MYT1L: variants seen among roughly 807,000 people sequenced by gnomAD.
MYT1L encodes myelin transcription factor 1 like.
In MYT1L, 12 loss-of-function variants were observed where a neutral mutation model predicts 126.7. The observed-to-expected ratio is 0.09, with a 90% CI of 0.06 to 0.15. The LOEUF is 0.15. Ranked by LOEUF, MYT1L falls within the 10% of genes least tolerant of loss-of-function variation. The pLI, the probability that MYT1L is intolerant of heterozygous loss-of-function variation, is 1.00. For missense variants in MYT1L, 979 were observed against 1,585.2 expected, an observed-to-expected ratio of 0.62 and a Z score of 6.49; for synonymous variants, 541 against 604.2, an observed-to-expected ratio of 0.90 and a Z score of 1.53.
chr2:2,015,961 C>G (rs2064342532), intron 4 of MYT1L, among the ~76,000 whole-genome samples: 1 of 152,152 alleles, frequency 6.6e-6, no homozygotes, highest in Non-Finnish European at 1.5e-5. Context: ...TACAGCAGAA[C>G]AAAGGAAAGC....
intron 3 of MYT1L, among the ~76,000 whole-genome samples, chr2:2,057,009 A>C (rs534240303): frequency 6.6e-6 from 1 of 151,994 alleles, no homozygotes; most frequent in Non-Finnish European, 1.5e-5. Flanking sequence ...GATCCCATGC[A>C]CCCGTCTCAG....
At chr2:1,815,232 G>A (rs942754203) in intron 21 of MYT1L, among the ~76,000 whole-genome samples, 1 of 152,192 alleles carries the variant, frequency 6.6e-6, no homozygotes, top group Admixed American at 6.5e-5. Flanking sequence ...CCGAGGTGAG[G>A]CCCCTCTGCG....
intron 18 of MYT1L, chr2:1,886,304 T>G (rs775184776): frequency 2.6e-6 from 1 of 378,232 alleles, no homozygotes; most frequent in Non-Finnish European, 4.7e-6. Context: ...ATATCCCAGA[T>G]AGGAAGGATA....
intron 3 of MYT1L, among the ~76,000 whole-genome samples, chr2:2,103,818 A>G (rs2078411673): frequency 6.6e-6 from 1 of 152,212 alleles, no homozygotes; most frequent in African/African-American, 2.4e-5. Context: ...GTCATGTCAG[A>G]TTTGGGTGAC....
chr2:1,879,118 C>A (rs993818810), intron 18 of MYT1L, among the ~76,000 whole-genome samples: 5 of 152,158 alleles, frequency 3.3e-5, no homozygotes, highest in African/African-American at 1.2e-4. Flanking sequence ...GCTTCCCCGG[C>A]CCCTGTGCAC....
At position 1,887,488 on chromosome 2, in the gene MYT1L, G is replaced by A. The variant is rs2048307155; in HGVS notation, c.2642C>T (p.Thr881Ile). ...TAATTTCACCTCACAGCATGCTTAC[G>A]TTATTAAGTCCTTTTTGCTCTCCTT... is the stretch of plus-strand genomic sequence containing the variant. ...QCKESKKDLI[T>I]LSGCPLADKS... The change falls in exon 17 of 25, where the codon ACT (threonine) becomes ATT (isoleucine). Residue 881 changes from threonine to isoleucine, a missense_variant and splice_region_variant. Around this residue, in one of 12 missense-constraint regions of MYT1L, gnomAD observed 141 missense variants for 170.6 expected, o/e 0.83. Transcript: ENST00000647738. The surrounding 1 kb of genome is among the most constrained non-coding windows in gnomAD (Gnocchi z 4.8). 2 of 1,614,014 alleles carry A rather than the reference G, an allele frequency of 1.2e-6. No individual in the cohort carries two copies. Among genetic ancestry groups the A allele is most frequent in the Non-Finnish European group, 1.7e-6 (2 of 1,179,886 alleles).
At chr2:2,149,552 T>C (rs2085413132) in intron 3 of MYT1L, among the ~76,000 whole-genome samples, 1 of 152,198 alleles carries the variant, frequency 6.6e-6, no homozygotes, top group East Asian at 1.9e-4. Context: ...CAAGTTTCTG[T>C]TCCCTTACTC....
At chr2:1,893,167 G>C (rs967120162) in intron 14 of MYT1L, among the ~76,000 whole-genome samples, 2 of 152,166 alleles carry the variant, frequency 1.3e-5, no homozygotes, top group African/African-American at 2.4e-5. Context: ...TGAGGGGCAA[G>C]GGTTATTTGT....
rs1053651301 is a variant in MYT1L at position 1,887,990 on chromosome 2, G to A, written c.2521-381C>T. On this transcript the variant is annotated intron_variant, in intron 16 of 24. Transcript: ENST00000647738. This position sits in a 1 kb window ranked among gnomAD's most constrained non-coding sequence, Gnocchi z 4.8. ...CACTTGCCTGCAAAGATTCAACACT[G>A]GAACTACAGTGTCTTAGGGCTGAGC... Among the ~76,000 whole-genome samples the A allele has an allele frequency of 5.3e-5, 8 of 152,150 alleles. No homozygotes were observed. The highest frequency in any genetic ancestry group is 8.8e-5 in the Non-Finnish European group (6 of 68,034).
rs546813001 is a variant in MYT1L at position 2,000,550 on chromosome 2, G to A, written c.-157-3203C>T. Among the ~76,000 whole-genome samples the A allele has an allele frequency of 2.0e-5, 3 of 152,290 alleles. No homozygotes were observed. In the South Asian group the frequency reaches 6.2e-4, roughly 32 times the overall value. Reference sequence around the variant, plus strand: ...GGTCCTGTCTCAGAGGGACCACAGGGTGGGTGTGGTGTGTAGGGGCTATGC... The same window carrying A: ...GGTCCTGTCTCAGAGGGACCACAGGATGGGTGTGGTGTGTAGGGGCTATGC... On this transcript the variant is annotated intron_variant, in intron 4 of 24. Coordinates refer to ENST00000647738, the MANE Select transcript of MYT1L (RefSeq NM_001303052.2).
chr2:2,014,800 G>T (rs139281038), intron 4 of MYT1L, among the ~76,000 whole-genome samples: 1 of 152,262 alleles, frequency 6.6e-6, no homozygotes, highest in Non-Finnish European at 1.5e-5. Context: ...GGAGCAGGCA[G>T]GTTTCCGGGG....
At chr2:2,170,405 GC>G (rs1332305230) in intron 3 of MYT1L, among the ~76,000 whole-genome samples, 5 of 152,220 alleles carry the variant, frequency 3.3e-5, no homozygotes, top group African/African-American at 1.2e-4. Flanking sequence ...AGGTGGCCAT[GC>G]CATTTGCTCG....
intron 9 of MYT1L, among the ~76,000 whole-genome samples, chr2:1,928,495 C>T (rs1252112815): frequency 6.6e-6 from 1 of 152,166 alleles, no homozygotes. Context: ...CACAGTGTTG[C>T]CTCCACTTCC....
rs192068765 is a variant in MYT1L at position 1,833,862 on chromosome 2, C to A, written c.3080+5287G>T. Among the ~76,000 whole-genome samples, 157 of 152,372 alleles carry A rather than the reference C, an allele frequency of 1.0e-3. 1 individual carries two copies. Among genetic ancestry groups the A allele is most frequent in the African/African-American group, 3.6e-3 (149 of 41,588 alleles). The stretch of plus-strand genomic sequence containing the variant: ...CGGGGAAAGGAGCCCTCCTGCCTAA[C>A]CCTCAACGCAGAAAGAGCAGCGGCT... On this transcript the variant is annotated intron_variant, in intron 21 of 24. Coordinates refer to ENST00000647738, the MANE Select transcript of MYT1L (RefSeq NM_001303052.2).
chr2:2,081,690 T>C (rs2075841463), intron 3 of MYT1L, among the ~76,000 whole-genome samples: 1 of 152,226 alleles, frequency 6.6e-6, no homozygotes, highest in African/African-American at 2.4e-5. Context: ...CCAGAGGTTA[T>C]TCTTTTTAAC....
chr2:1,897,337 G>C (rs887278930), intron 14 of MYT1L, among the ~76,000 whole-genome samples: 1 of 152,222 alleles, frequency 6.6e-6, no homozygotes, highest in Non-Finnish European at 1.5e-5. Flanking sequence ...CAGAGCAGGG[G>C]CTTCAAATTG....
At position 1,934,062 on chromosome 2, in the gene MYT1L, C is replaced by T. The variant is rs568814420; in HGVS notation, c.505+8920G>A. Among the ~76,000 whole-genome samples the T allele has an allele frequency of 2.7e-5, 4 of 149,634 alleles. No individual in the cohort carries two copies. The East Asian group carries it at 6.0e-4, about 22-fold the overall frequency. ...CGATCTCGGCTCACTGCAAGCTCCG[C>T]CTCCCAGGTTCACGCCATGCTCCTG... is the stretch of plus-strand genomic sequence containing the variant. On this transcript the variant is annotated intron_variant, in intron 9 of 24. Transcript: ENST00000647738.
intron 2 of MYT1L, among the ~76,000 whole-genome samples, chr2:2,260,277 C>G (rs1019903658): frequency 7.9e-5 from 12 of 152,182 alleles, no homozygotes; most frequent in Non-Finnish European, 1.3e-4. Context: ...AGTAATAAAA[C>G]TTGACAAAAC....
intron 3 of MYT1L, among the ~76,000 whole-genome samples, chr2:2,167,458 C>G (rs1316526419): frequency 6.6e-6 from 1 of 152,190 alleles, no homozygotes; most frequent in Non-Finnish European, 1.5e-5. Flanking sequence ...AGCTCCCTGT[C>G]CTCCAGGCAC....
Sources: allele counts gnomAD v4.1 joint callset (sites outside exome capture counted in the v4.1 genomes callset), GRCh38; gene constraint gnomAD v4.1.1; regional missense constraint gnomAD v4.1.1; non-coding constraint Gnocchi (gnomAD v3.1); transcripts MANE v1.5; gene names NCBI Gene and HGNC (gene_info 2026-07-23, HGNC 2026-07-21).